ZAN: variants seen among roughly 807,000 people sequenced by gnomAD.
The protein encoded by ZAN is zonadhesin (gene/pseudogene).
Under a neutral mutation model 286.2 loss-of-function variants are expected in ZAN, and 260 were observed. The observed-to-expected ratio is 0.91, with a 90% confidence interval of 0.82 to 1.01. ZAN has a LOEUF of 1.01. ZAN is among the 50% of genes least tolerant of loss of function. ZAN has a pLI of 0.00. For missense variants in ZAN, 3,410 were observed against 3,639.2 expected, an observed-to-expected ratio of 0.94 and a Z score of 1.62; for synonymous variants, 1,368 against 1,417.5, an observed-to-expected ratio of 0.97 and a Z score of 0.79.
intron 45 of ZAN, among the ~76,000 whole-genome samples, chr7:100,796,571 C>G (rs2116370068): frequency 6.6e-6 from 1 of 152,106 alleles, no homozygotes; most frequent in Non-Finnish European, 1.5e-5. Flanking sequence ...CGCCGGCCAC[C>G]ACGCCCGGCT....
In ZAN at chr7:100,749,851, G is replaced by A. The variant is rs895894945; in HGVS notation, c.1250-774G>A. ...GGATCACTTGAGGCCGAAAGTTCAA[G>A]ACTAGCCTGGCCAACATGGTGAAAC... On this transcript the variant is annotated intron_variant, in intron 11 of 47. Transcript: ENST00000613979. 1.7e-4 allele frequency among the ~76,000 whole-genome samples: 26 copies of A among 150,690 alleles called. No individual in the cohort carries two copies. The Middle Eastern group carries it at 0.017, about 100-fold the overall frequency.
chr7:100,773,215 C>A (rs1810508375), intron 29 of ZAN, 70 bp from the exon 30 acceptor site: 7 of 1,566,506 alleles, frequency 4.5e-6, no homozygotes, highest in Admixed American at 3.6e-5. Flanking sequence ...CTACTAGGAG[C>A]TTTTGATGCC....
Position 100,759,759 on chromosome 7 carries a change from G to T in ZAN, c.3610G>T (p.Gly1204Ter). The T allele has an allele frequency of 6.3e-7, 1 of 1,597,296 alleles. No homozygotes were observed. Among genetic ancestry groups the T allele is most frequent in the East Asian group, 2.3e-5 (1 of 43,922 alleles). Residue 1204 changes from glycine (G) to a stop codon, truncating the protein, a stop_gained, in exon 18 of 48, where the codon GGA becomes TGA. Transcript: ENST00000613979. LOFTEE classifies it high-confidence loss of function. ...GGTGACAGCCAAGAATGAGGAGCAG[G>T]GACAGGAAGGCGTGTCCTGCCTGAG... ...FRVTAKNEEQ[G>*]QEGVSCLSKV...
chr7:100,771,477 G>C lies in ZAN; in HGVS notation c.5249-367G>C, dbSNP rs553773419. 2.6e-5 allele frequency among the ~76,000 whole-genome samples: 4 copies of C among 151,764 alleles called. No individual in the cohort carries two copies. The South Asian group carries it at 8.3e-4, about 32-fold the overall frequency. ...GACGGAGTCTTGATCTGTTGCCCAGGCTGGAGTGCAATGGCACAATCTCAG... is the reference window on the plus strand; with the variant it reads ...GACGGAGTCTTGATCTGTTGCCCAGCCTGGAGTGCAATGGCACAATCTCAG... On this transcript the variant is annotated intron_variant, in intron 28 of 47. Transcript: ENST00000613979.
chr7:100,766,534 C>A lies in ZAN; in HGVS notation c.4480C>A (p.Arg1494=). 6.5e-7 allele frequency: 1 copy of A among 1,550,244 alleles called. No homozygotes were observed. The highest frequency in any genetic ancestry group is 8.7e-7 in the Non-Finnish European group (1 of 1,145,986). The change falls in exon 24 of 48, where the codon CGG becomes AGG. Residue 1494 remains arginine (R), a synonymous_variant. Coordinates refer to ENST00000613979, the MANE Select transcript of ZAN (RefSeq NM_003386.3). The part of the protein sequence containing the change: ...PAGSYFKVGE[R]WYKPGCKELC... ...CTGCTGTCTTCCCCAGGTAGGGGAGCGGTGGTACAAGCCAGGCTGCAAAGA... is the reference window on the plus strand; with the variant it reads ...CTGCTGTCTTCCCCAGGTAGGGGAGAGGTGGTACAAGCCAGGCTGCAAAGA...
In ZAN at chr7:100,762,214, G is replaced by C. The variant is rs1392412067; in HGVS notation, c.3843-1G>C. On this transcript the variant is annotated splice_acceptor_variant, in intron 19 of 47. Coordinates refer to ENST00000613979, the MANE Select transcript of ZAN (RefSeq NM_003386.3). LOFTEE classifies it high-confidence loss of function. ...CGCCAGCTCCTCTCCTGTTCCCCTA[G>C]CACATACTCTGGCAAACTCTGTGGT... The C allele has an allele frequency of 1.2e-6, 2 of 1,612,676 alleles. No individual in the cohort carries two copies. The highest frequency in any genetic ancestry group is 1.7e-6 in the Non-Finnish European group (2 of 1,179,336).
chr7:100,748,885 A>G (rs1265208686), intron 11 of ZAN, among the ~76,000 whole-genome samples: 3 of 151,816 alleles, frequency 2.0e-5, no homozygotes, highest in Non-Finnish European at 4.4e-5. Flanking sequence ...ATTTTTTTTT[A>G]ATTAGCTAGA....
chr7:100,753,014 C>T lies in ZAN; in HGVS notation c.2909C>T (p.Thr970Ile), dbSNP rs376729135. The T allele has an allele frequency of 5.0e-5, 81 of 1,609,158 alleles. No homozygotes were observed. The African/African-American group carries it at 9.9e-4, about 20-fold the overall frequency. ...CCCACCATCTCCACGGAAAAACCCA[C>T]CATCCCCACGGAAAAACTTACCATC... ...EKPTISTEKP[T>I]IPTEKLTIPT... The change falls in exon 14 of 48, where the codon ACC (threonine) becomes ATC (isoleucine). Residue 970 changes from threonine (T) to isoleucine (I), a missense_variant. Thr to Ile is a moderately conservative substitution (Grantham distance 89). Transcript: ENST00000613979.
In ZAN at chr7:100,737,945, A is replaced by AATTT. The variant is rs544558816; in HGVS notation, c.614-491_614-488dup. On this transcript the variant is annotated intron_variant, in intron 6 of 47. Coordinates refer to ENST00000613979, the MANE Select transcript of ZAN (RefSeq NM_003386.3). ...AAGGAGACCCCCATCTCTACAAAAGAATTTATTTATTTATTTATTTATTTA... is the reference window on the plus strand; with the variant it reads ...AAGGAGACCCCCATCTCTACAAAAGAATTTATTTATTTATTTATTTATTTATTTA... Among the ~76,000 whole-genome samples the AATTT allele has an allele frequency of 4.7e-3, 642 of 138,030 alleles. 65 individuals carry two copies. Among genetic ancestry groups the AATTT allele is most frequent in the Admixed American group, 0.036 (491 of 13,766 alleles). The allele number at this position is 138,030 out of a possible 152,430, so 90.6% of individuals were successfully genotyped here.
At chr7:100,782,075 T>C (rs1042139870) in intron 35 of ZAN, among the ~76,000 whole-genome samples, 4 of 152,156 alleles carry the variant, frequency 2.6e-5, no homozygotes, top group Non-Finnish European at 5.9e-5. Context: ...TTCCATTGAG[T>C]CGTTGGTCTT....
intron 22 of ZAN, 45 bp from the exon 23 acceptor site, chr7:100,765,307 G>A (rs372875850): frequency 1.5e-5 from 24 of 1,600,318 alleles, no homozygotes; most frequent in Admixed American, 3.4e-5. Flanking sequence ...ACCCAGCCCC[G>A]TGGCTTGTTC....
At chr7:100,766,315 T>C (rs2116037572) in intron 23 of ZAN, among the ~76,000 whole-genome samples, 1 of 152,222 alleles carries the variant, frequency 6.6e-6, no homozygotes, top group Middle Eastern at 3.4e-3. Flanking sequence ...GTTGAAATGA[T>C]GAACAGACCC....
chr7:100,750,702 T>G lies in ZAN; in HGVS notation c.1327T>G (p.Cys443Gly). Residue 443 changes from cysteine (C) to glycine (G), a missense_variant, in exon 12 of 48, where the codon TGC becomes GGC. Around this residue, in one of 7 missense-constraint regions of ZAN, gnomAD observed 872 missense variants for 938.9 expected, o/e 0.93. Transcript: ENST00000613979. Reference protein sequence around the residue: ...QSVRLVSRPFCAPGDICVEFA... With the variant: ...QSVRLVSRPFGAPGDICVEFA... ...AGTCAGACTGGTGAGCCGGCCCTTC[T>G]GCGCCCCAGGTGACATCTGCGTGGA... The G allele has an allele frequency of 1.9e-6, 3 of 1,613,270 alleles. No individual in the cohort carries two copies. The highest frequency in any genetic ancestry group is 2.5e-6 in the Non-Finnish European group (3 of 1,179,626).
At chr7:100,759,566 T>A (rs1018302225) in intron 17 of ZAN, among the ~76,000 whole-genome samples, 155 bp from the exon 18 acceptor site, 1 of 151,844 alleles carries the variant, frequency 6.6e-6, no homozygotes, top group Non-Finnish European at 1.5e-5. Flanking sequence ...GCAGTCGTGG[T>A]CTGCTCCTGT....
intron 35 of ZAN, among the ~76,000 whole-genome samples, chr7:100,783,749 A>T (rs1241724174): frequency 2.7e-4 from 7 of 26,004 alleles, no homozygotes; most frequent in Admixed American, 6.1e-4. Context: ...AAAAAAAAAA[A>T]AAAAAAAAAA....
At chr7:100,769,434 G>A (rs1810227274) in intron 27 of ZAN, among the ~76,000 whole-genome samples, 2 of 151,878 alleles carry the variant, frequency 1.3e-5, no homozygotes, top group Admixed American at 6.6e-5. Flanking sequence ...TGGTTCCTCA[G>A]GCCCTCAGGT....
chr7:100,739,520 C>T lies in ZAN; in HGVS notation c.766+907C>T, dbSNP rs1382260690. 2.9e-5 allele frequency among the ~76,000 whole-genome samples: 4 copies of T among 136,232 alleles called. 1 individual carries two copies. The highest frequency in any genetic ancestry group is 6.6e-5 in the Non-Finnish European group (4 of 60,508). 89.4% of individuals were successfully genotyped at this position (136,232 alleles called of 152,430 possible). On this transcript the variant is annotated intron_variant, in intron 7 of 47. Coordinates refer to ENST00000613979, the MANE Select transcript of ZAN (RefSeq NM_003386.3). The stretch of plus-strand genomic sequence containing the variant: ...AGTCAAACAAGTTTGGAGCCAAGTG[C>T]ACTGGCTCACGCCTGTAATCCCAGC...
chr7:100,737,008 C>A lies in ZAN; in HGVS notation c.453C>A (p.His151Gln). The A allele has an allele frequency of 5.3e-6, 8 of 1,501,544 alleles. 2 individuals are homozygous for A. Among genetic ancestry groups the A allele is most frequent in the Non-Finnish European group, 5.5e-6 (6 of 1,097,010 alleles). The allele number at this position is 1,501,544 out of a possible 1,614,324, so 93.0% of individuals were successfully genotyped here. A position where few individuals can be genotyped will look rare whatever the true frequency, so the allele number is the denominator to read the frequency against. The stretch of plus-strand genomic sequence containing the variant: ...GCCGCCCCGATGTGCTCTGGAAACA[C>A]TGGAACACCCAGAGACCCTCCTGGA... ...EGRRPDVLWK[H>Q]WNTQRPSWML... The change falls in exon 5 of 48, where the codon CAC becomes CAA. Residue 151 changes from histidine to glutamine, a missense_variant. Around this residue, in one of 7 missense-constraint regions of ZAN, gnomAD observed 872 missense variants for 938.9 expected, o/e 0.93. Coordinates refer to ENST00000613979, the MANE Select transcript of ZAN (RefSeq NM_003386.3).
At chr7:100,762,417 C>CT in intron 20 of ZAN, 59 bp downstream of exon 20, 26 of 1,063,456 alleles carry the variant, frequency 2.4e-5, no homozygotes, top group African/African-American at 3.8e-5. Context: ...TCCTGGAACT[C>CT]TCTTTTTTTT....
Sources: gnomAD v4.1 joint callset for allele counts (sites outside exome capture counted in the v4.1 genomes callset) on GRCh38, gnomAD v4.1.1 for gene constraint, gnomAD v4.1.1 regional missense constraint, MANE v1.5 for transcripts, NCBI Gene and HGNC (gene_info 2026-07-23, HGNC 2026-07-21) for gene names.